Variants in CDKN3 observed in about 807,000 individuals in gnomAD.
CDKN3 encodes the protein cyclin dependent kinase inhibitor 3.
Under a neutral mutation model 36.1 loss-of-function variants are expected in CDKN3, and 19 were observed. The ratio of observed to expected loss-of-function variants is 0.53; its 90% confidence interval spans 0.37 to 0.77. The LOEUF is 0.77. Among genes scored for constraint, CDKN3 ranks in the 30% least tolerant of loss-of-function variants. The pLI, the probability that CDKN3 is intolerant of heterozygous loss-of-function variation, is 0.00. For synonymous variants in CDKN3, 71 were observed against 85.3 expected, an observed-to-expected ratio of 0.83 and a Z score of 0.92; for missense variants, 188 against 248.6, an observed-to-expected ratio of 0.76 and a Z score of 1.64.
intron 4 of CDKN3, among the ~76,000 whole-genome samples, chr14:54,410,875 A>C (rs1437288271): frequency 6.6e-6 from 1 of 152,034 alleles, no homozygotes; most frequent in Non-Finnish European, 1.5e-5. Context: ...ACTCAATTTT[A>C]AGTGTTTTAA....
chr14:54,410,862 G>C (rs886700671), intron 4 of CDKN3, among the ~76,000 whole-genome samples: 1 of 151,780 alleles, frequency 6.6e-6, no homozygotes, highest in Non-Finnish European at 1.5e-5. Context: ...AACCATATTT[G>C]CTACTCAATT....
rs183338848 is a variant in CDKN3 at position 54,398,515 on chromosome 14, G to T, written c.10-1379G>T. Among the ~76,000 whole-genome samples the T allele has an allele frequency of 6.6e-5, 10 of 152,358 alleles. No homozygotes were observed. The East Asian group carries it at 1.3e-3, about 21-fold the overall frequency. ...GTGGATACATTTGTCTAATTCTGGGGTGAACAAGGGGCAAGCCCACGTGGC... is the reference window on the plus strand; with the variant it reads ...GTGGATACATTTGTCTAATTCTGGGTTGAACAAGGGGCAAGCCCACGTGGC... On this transcript the variant is annotated intron_variant, in intron 1 of 7. Transcript: ENST00000335183.
intron 5 of CDKN3, chr14:54,413,505 A>G (rs1350761117): frequency 2.4e-6 from 2 of 843,336 alleles, no homozygotes; most frequent in African/African-American, 3.4e-5. Flanking sequence ...TGTGCAGAGT[A>G]CAAACAGGAT....
At chr14:54,419,910 A>T in intron 7 of CDKN3, 82 bp from the exon 8 acceptor site, 4 of 732,660 alleles carry the variant, frequency 5.5e-6, no homozygotes, top group Admixed American at 4.8e-5. Context: ...ATTTTTTTTT[A>T]TTCCTGATAC....
rs566000696 is a variant in CDKN3, at chr14:54,416,421, A to C, written c.448+491A>C. Among the ~76,000 whole-genome samples, 111 of 152,368 alleles carry C rather than the reference A, an allele frequency of 7.3e-4. 1 individual carries two copies. Among genetic ancestry groups the C allele is most frequent in the African/African-American group, 2.6e-3 (110 of 41,586 alleles). ...CTTTTGTGTTTCAAAGAATACTATC[A>C]AAATGACAAGACTACCCATAGAATG... On this transcript the variant is annotated intron_variant, in intron 6 of 7. Transcript: ENST00000335183.
intron 3 of CDKN3, among the ~76,000 whole-genome samples, chr14:54,402,278 T>C (rs937406441): frequency 1.3e-5 from 2 of 151,764 alleles, no homozygotes; most frequent in East Asian, 1.9e-4. Flanking sequence ...TTCCTTTTCA[T>C]GGCTGAGTAG....
chr14:54,397,094 G>C lies in CDKN3; in HGVS notation c.9+17G>C, dbSNP rs1886328292. ...ATGAAGCCGGTGAGTCGGACGTGCT[G>C]GGGTTTGGAGGAGCGAGGCGGCAGG... On this transcript the variant is annotated intron_variant, in intron 1 of 7. Transcript: ENST00000335183. The C allele has an allele frequency of 6.7e-7, 1 of 1,497,944 alleles. No individual in the cohort carries two copies. The highest frequency in any genetic ancestry group is 8.9e-7 in the Non-Finnish European group (1 of 1,120,756). The allele number at this position is 1,497,944 out of a possible 1,614,324, so 92.8% of individuals were successfully genotyped here. A position where few individuals can be genotyped will look rare whatever the true frequency, so the allele number is the denominator to read the frequency against.
intron 1 of CDKN3, among the ~76,000 whole-genome samples, chr14:54,398,660 T>C (rs953131508): frequency 6.6e-6 from 1 of 152,252 alleles, no homozygotes; most frequent in Non-Finnish European, 1.5e-5. Context: ...GTTTTGTTTT[T>C]GTTTTTCTTT....
intron 5 of CDKN3, chr14:54,412,982 C>T (rs2030412710): frequency 2.2e-6 from 1 of 450,428 alleles, no homozygotes; most frequent in African/African-American, 2.0e-5. Context: ...CCAACTTCTC[C>T]TCTTAAACCT....
intron 3 of CDKN3, among the ~76,000 whole-genome samples, chr14:54,402,300 ATG>A (rs1491262298): frequency 9.1e-6 from 1 of 110,286 alleles, no homozygotes; most frequent in Admixed American, 9.8e-5. Flanking sequence ...ATTCCATGGC[ATG>A]TGTGTGCGTG....
chr14:54,415,033 G>A lies in CDKN3; in HGVS notation c.417-866G>A, dbSNP rs4251652. Among the ~76,000 whole-genome samples, 307 of 149,190 alleles carry A rather than the reference G, an allele frequency of 2.1e-3. 21 individuals carry two copies. The South Asian group carries it at 0.061, about 30-fold the overall frequency. On this transcript the variant is annotated intron_variant, in intron 5 of 7. Transcript: ENST00000335183. ...AATACAATACAATACAGTAATTGAT[G>A]TCCATAACGATAAGTCATCCACACT...
At chr14:54,409,580 C>A (rs1410787451) in intron 4 of CDKN3, among the ~76,000 whole-genome samples, 1 of 152,092 alleles carries the variant, frequency 6.6e-6, no homozygotes, top group Non-Finnish European at 1.5e-5. Context: ...CACCTGTAAT[C>A]CCAGCATTTT....
intron 5 of CDKN3, among the ~76,000 whole-genome samples, chr14:54,412,330 A>G (rs1447884720): frequency 6.6e-6 from 1 of 151,992 alleles, no homozygotes; most frequent in Non-Finnish European, 1.5e-5. Context: ...GGTTGCAGTG[A>G]GCCAAGGTGA....
chr14:54,407,682 T>TGGATGCC (rs947286666), intron 3 of CDKN3, among the ~76,000 whole-genome samples: 4 of 152,104 alleles, frequency 2.6e-5, no homozygotes, highest in African/African-American at 9.7e-5. Flanking sequence ...TCAATAATGG[T>TGGATGCC]GGATGCCCCT....
chr14:54,419,913 C>T, intron 7 of CDKN3, 79 bp from the exon 8 acceptor site: 6 of 755,824 alleles, frequency 7.9e-6, no homozygotes, highest in Middle Eastern at 3.2e-4. Flanking sequence ...TTTTTTTATT[C>T]CTGATACCTG....
At position 54,398,563 on chromosome 14, in the gene CDKN3, C is replaced by G. The variant is rs2239583; in HGVS notation, c.10-1331C>G. Among the ~76,000 whole-genome samples, 33 of 152,322 alleles carry G rather than the reference C, an allele frequency of 2.2e-4. 1 individual carries two copies. In the East Asian group the frequency reaches 6.4e-3, roughly 29 times the overall value. On this transcript the variant is annotated intron_variant, in intron 1 of 7. Coordinates refer to ENST00000335183, the MANE Select transcript of CDKN3 (RefSeq NM_005192.4). The stretch of plus-strand genomic sequence containing the variant: ...GGCAACAGCTTTAAGCTGCATACTC[C>G]ATTTGATATACAATAATAAAACTCC...
chr14:54,406,172 C>T (rs866744601), intron 3 of CDKN3, among the ~76,000 whole-genome samples: 76 of 152,184 alleles, frequency 5.0e-4, no homozygotes, highest in African/African-American at 1.8e-3. Flanking sequence ...GGCCCCCACT[C>T]TCTTCTGGCT....
chr14:54,414,933 AG>A (rs2030488787), intron 5 of CDKN3, among the ~76,000 whole-genome samples: 2 of 152,098 alleles, frequency 1.3e-5, no homozygotes, highest in South Asian at 4.1e-4. Flanking sequence ...GAGTAAGACT[AG>A]GGGTCAATAC....
At chr14:54,399,386 G>A (rs556602846) in intron 1 of CDKN3, among the ~76,000 whole-genome samples, 2 of 152,226 alleles carry the variant, frequency 1.3e-5, no homozygotes, top group South Asian at 4.1e-4. Context: ...TCTCTTCTCT[G>A]TTCCACAGTG....
Sources: gnomAD v4.1 joint callset for allele counts (sites outside exome capture counted in the v4.1 genomes callset) on GRCh38, gnomAD v4.1.1 for gene constraint, MANE v1.5 for transcripts, NCBI Gene and HGNC (gene_info 2026-07-23, HGNC 2026-07-21) for gene names.